The following ASPRV1 variants were observed in gnomAD, a reference collection of about 807,000 sequenced individuals.
ASPRV1 encodes retroviral-like aspartic protease 1.
ASPRV1 carries 7 observed loss-of-function variants against 11.0 expected under a neutral mutation model. That is an observed-to-expected ratio of 0.64 (90% CI 0.36 to 1.20). The LOEUF (loss-of-function observed/expected upper bound fraction) is 1.20. ASPRV1 is among the 50% of genes most tolerant of loss of function. The probability of loss-of-function intolerance (pLI) is 0.02; values close to 1 mark genes in which losing one functional copy is unlikely to be tolerated. For missense variants in ASPRV1, 299 were observed against 320.0 expected (o/e 0.93, Z 0.50); for synonymous variants, 136 against 138.4 (o/e 0.98, Z 0.12).
At chr2:70,043,439 G>A in the ASPRV1 span, among the ~76,000 whole-genome samples, 1 of 151,970 alleles carries the variant, frequency 6.6e-6, no homozygotes, top group African/African-American at 2.4e-5. Context: ...AAAAAAAGTT[G>A]TATGTCTTAA....
chr2:69,981,004 G>A, the ASPRV1 span, among the ~76,000 whole-genome samples: 1 of 152,204 alleles, frequency 6.6e-6, no homozygotes, highest in Admixed American at 6.5e-5. Context: ...TCAAACTCCT[G>A]ACTTCAGATG....
chr2:70,084,460 GC>G, the ASPRV1 span, among the ~76,000 whole-genome samples: 547 of 152,184 alleles, frequency 3.6e-3, 5 homozygotes, highest in Middle Eastern at 0.02. Context: ...TCAAATCCTT[GC>G]TTTACCACTT....
At chr2:69,945,780 C>G in the ASPRV1 span, among the ~76,000 whole-genome samples, 1 of 152,178 alleles carries the variant, frequency 6.6e-6, no homozygotes, top group African/African-American at 2.4e-5. Flanking sequence ...CACCTGAGGC[C>G]AGGTCTGAGC....
At chr2:70,052,004 A>G in the ASPRV1 span, among the ~76,000 whole-genome samples, 1 of 152,122 alleles carries the variant, frequency 6.6e-6, no homozygotes, top group Non-Finnish European at 1.5e-5. Flanking sequence ...CACTCATTCT[A>G]TGATATAGAA....
At chr2:70,010,811 C>G in the ASPRV1 span, among the ~76,000 whole-genome samples, 1 of 152,176 alleles carries the variant, frequency 6.6e-6, no homozygotes, top group Non-Finnish European at 1.5e-5. Context: ...CATCTTTCCC[C>G]ACTGCACTGG....
Position 69,961,449 on chromosome 2 carries a change from C to T in ASPRV1, c.-13G>A. 6.2e-7 allele frequency: 1 copy of T among 1,614,120 alleles called. No individual in the cohort carries two copies. The highest frequency in any genetic ancestry group is 1.1e-5 in the South Asian group (1 of 91,084). ...CGCTCCCGGCCATCCTGCTGCTCTC[C>T]TCTGGAACCTCAGCAGCAACCCACG... On this transcript the variant is annotated 5_prime_UTR_variant, in exon 1 of 1. Coordinates refer to ENST00000320256, the MANE Select transcript of ASPRV1 (RefSeq NM_152792.4).
chr2:70,076,946 T>C, the ASPRV1 span, among the ~76,000 whole-genome samples: 2 of 152,140 alleles, frequency 1.3e-5, no homozygotes, highest in African/African-American at 2.4e-5. Context: ...AAGTTGAAAA[T>C]TGTAAGTCAA....
At chr2:69,974,949 A>G in the ASPRV1 span, among the ~76,000 whole-genome samples, 1 of 152,342 alleles carries the variant, frequency 6.6e-6, no homozygotes, top group African/African-American at 2.4e-5. Flanking sequence ...TCTTCTGTCA[A>G]CTAGCTTCCC....
At chr2:70,076,972 G>A in the ASPRV1 span, among the ~76,000 whole-genome samples, 3 of 152,060 alleles carry the variant, frequency 2.0e-5, no homozygotes, top group Admixed American at 1.3e-4. Flanking sequence ...TGTAAGTCAG[G>A]GACTATCCGT....
the ASPRV1 span, among the ~76,000 whole-genome samples, chr2:70,009,665 A>G: frequency 6.6e-6 from 1 of 152,116 alleles, no homozygotes; most frequent in Non-Finnish European, 1.5e-5. Flanking sequence ...ATACCCACAC[A>G]TCCTTTGCCT....
chr2:70,083,319 G>T, the ASPRV1 span, among the ~76,000 whole-genome samples: 2 of 152,298 alleles, frequency 1.3e-5, no homozygotes, highest in African/African-American at 4.8e-5. Context: ...ATCCAAAAAT[G>T]GCTCTTCTGT....
chr2:69,965,108 C>A (rs1054218957), upstream of ASPRV1, among the ~76,000 whole-genome samples: 5 of 152,226 alleles, frequency 3.3e-5, 1 homozygote, highest in South Asian at 8.3e-4. Context: ...AGTGCAGTGG[C>A]GTGATCTCGG....
the ASPRV1 span, among the ~76,000 whole-genome samples, chr2:70,007,040 A>G: frequency 2.0e-5 from 3 of 152,206 alleles, no homozygotes; most frequent in African/African-American, 7.2e-5. Context: ...ACAGGCAGTA[A>G]AAGGACCTAT....
the ASPRV1 span, chr2:70,002,943 A>C: frequency 6.6e-6 from 1 of 152,246 alleles, no homozygotes. Context: ...CCAGAGGCCA[A>C]AAGAACCCTA....
At chr2:69,983,079 C>T in the ASPRV1 span, among the ~76,000 whole-genome samples, 1 of 152,072 alleles carries the variant, frequency 6.6e-6, no homozygotes, top group East Asian at 1.9e-4. Flanking sequence ...CCACCACTCC[C>T]GGCTAATTTT....
the ASPRV1 span, among the ~76,000 whole-genome samples, chr2:70,076,519 G>C: frequency 6.6e-6 from 1 of 152,100 alleles, no homozygotes; most frequent in South Asian, 2.1e-4. Context: ...ACCATCTTAG[G>C]AGGCAGGTAT....
the ASPRV1 span, chr2:69,937,510 G>A: frequency 2.9e-6 from 3 of 1,045,134 alleles, no homozygotes; most frequent in South Asian, 1.7e-5. Context: ...TGGGTATGAT[G>A]TAGAGAAGTC....
At chr2:69,937,155 G>C in the ASPRV1 span, 1 of 1,569,182 alleles carries the variant, frequency 6.4e-7, no homozygotes, top group Non-Finnish European at 8.8e-7. Flanking sequence ...GCATTCCACT[G>C]CTAGAAGGGA....
At chr2:70,022,709 A>G in the ASPRV1 span, among the ~76,000 whole-genome samples, 2 of 151,970 alleles carry the variant, frequency 1.3e-5, no homozygotes, top group South Asian at 4.2e-4. Context: ...TAACACAAGC[A>G]AATTTTTGGA....
Sources: allele counts gnomAD v4.1 joint callset (sites outside exome capture counted in the v4.1 genomes callset), GRCh38; gene constraint gnomAD v4.1.1; transcripts MANE v1.5; gene names NCBI Gene and HGNC (gene_info 2026-07-23, HGNC 2026-07-21).